CASS4: variants seen among roughly 807,000 people sequenced by gnomAD.
The protein encoded by CASS4 is cas scaffolding protein family member 4.
Under a neutral mutation model 54.2 loss-of-function variants are expected in CASS4, and 22 were observed. That is an observed-to-expected ratio of 0.41 (90% CI 0.29 to 0.58). The LOEUF (loss-of-function observed/expected upper bound fraction) is 0.58. CASS4 is among the 20% of genes least tolerant of loss of function. The pLI, the probability that CASS4 is intolerant of heterozygous loss-of-function variation, is 0.36. For synonymous variants in CASS4, 409 were observed against 391.5 expected (o/e 1.04, Z -0.53); for missense variants, 854 against 986.7 (o/e 0.87, Z 1.80).
At chr20:56,429,629 T>A (rs1460317594) in intron 1 of CASS4, among the ~76,000 whole-genome samples, 2 of 151,998 alleles carry the variant, frequency 1.3e-5, no homozygotes, top group African/African-American at 4.8e-5. Flanking sequence ...CACTCACTCA[T>A]ACTCACACAC....
intron 2 of CASS4, among the ~76,000 whole-genome samples, chr20:56,438,029 TC>T (rs1303574754): frequency 1.3e-5 from 2 of 152,178 alleles, no homozygotes; most frequent in South Asian, 2.1e-4. Flanking sequence ...CTTACACCTA[TC>T]TATATTCCCA....
At chr20:56,446,962 T>C (rs1980743932) in intron 3 of CASS4, among the ~76,000 whole-genome samples, 2 of 152,026 alleles carry the variant, frequency 1.3e-5, no homozygotes, top group African/African-American at 4.8e-5. Flanking sequence ...AATCCCAGCA[T>C]TTTGGGAGGC....
Position 56,445,881 on chromosome 20 carries a change from C to T in CASS4, c.460-19C>T, listed in dbSNP as rs1275420296. On this transcript the variant is annotated intron_variant, in intron 2 of 5. Coordinates refer to ENST00000679887, the MANE Select transcript of CASS4 (RefSeq NM_020356.4). ...GAGTGACATTTCCTTTTCCTCTTTTCTCCTCCTTTCTCTCCAAGGCCATCC... is the reference window on the plus strand; with the variant it reads ...GAGTGACATTTCCTTTTCCTCTTTTTTCCTCCTTTCTCTCCAAGGCCATCC... The T allele has an allele frequency of 1.3e-6, 2 of 1,570,708 alleles. No individual in the cohort carries two copies. The highest frequency in any genetic ancestry group is 1.4e-5 in the African/African-American group (1 of 73,912).
chr20:56,412,133 C>G, upstream of CASS4: 13 of 344,518 alleles, frequency 3.8e-5, no homozygotes, highest in Admixed American at 9.3e-5. The surrounding 1 kb of genome is among the most constrained non-coding windows in gnomAD (Gnocchi z 4.2). Flanking sequence ...TTTTTTTCTT[C>G]TTCTTCTTCT....
Position 56,412,836 on chromosome 20 carries a change from C to G in CASS4, c.36+342C>G, listed in dbSNP as rs115590769. 7.0e-3 allele frequency among the ~76,000 whole-genome samples: 1,061 copies of G among 152,274 alleles called. 13 individuals carry two copies. Among genetic ancestry groups the G allele is most frequent in the African/African-American group, 0.024 (986 of 41,554 alleles). On this transcript the variant is annotated intron_variant, in intron 1 of 5. Transcript: ENST00000679887. The surrounding 1 kb of genome is among the most constrained non-coding windows in gnomAD (Gnocchi z 4.2). ...TCCTTCTTTCTCTGGACCCCAAAGA[C>G]ACTCAGTGCCACTCTAACTGTCCTA...
chr20:56,415,208 A>G (rs1035420770), intron 1 of CASS4, among the ~76,000 whole-genome samples: 1 of 152,204 alleles, frequency 6.6e-6, no homozygotes, highest in African/African-American at 2.4e-5. Flanking sequence ...TCTCTGTTGC[A>G]TATGGTTGTT....
chr20:56,422,076 C>T (rs765539512), intron 1 of CASS4, among the ~76,000 whole-genome samples: 10 of 152,180 alleles, frequency 6.6e-5, no homozygotes, highest in African/African-American at 2.4e-4. Flanking sequence ...CCTCCTCCTT[C>T]GGTGGGTTTT....
Position 56,456,689 on chromosome 20 carries a change from AT to A in CASS4, c.1954-1644del, listed in dbSNP as rs575905390. ...CGTGCCCAGCTCCCTTTTTTATTTT[AT>A]TTTTTTGAGACAGTGTTTTGCTCTG... On this transcript the variant is annotated intron_variant, in intron 5 of 5. Coordinates refer to ENST00000679887, the MANE Select transcript of CASS4 (RefSeq NM_020356.4). 3.0e-3 allele frequency among the ~76,000 whole-genome samples: 443 copies of A among 148,232 alleles called. 8 individuals are homozygous for A. In the Middle Eastern group the frequency reaches 0.057, roughly 19 times the overall value.
At chr20:56,417,549 AACG>A (rs1979199511) in intron 1 of CASS4, among the ~76,000 whole-genome samples, 1 of 152,186 alleles carries the variant, frequency 6.6e-6, no homozygotes, top group African/African-American at 2.4e-5. Context: ...CCTCTCTGGG[AACG>A]AAACTCCATG....
intron 1 of CASS4, among the ~76,000 whole-genome samples, chr20:56,420,555 A>ATTT (rs11475630): frequency 2.9e-5 from 4 of 137,314 alleles, no homozygotes; most frequent in African/African-American, 2.7e-5. Flanking sequence ...TGCCCATCTA[A>ATTT]TTTTTTTTTT....
Position 56,432,355 on chromosome 20 carries a change from C to CTT in CASS4, c.37-4782_37-4781dup, listed in dbSNP as rs922336949. On this transcript the variant is annotated intron_variant, in intron 1 of 5. Transcript: ENST00000679887. ...AAGTAGCATGTAAGTTTCATAAGTCCTTTTTTTTTTTTTTTTTTTTTTTTT... is the reference window on the plus strand; with the variant it reads ...AAGTAGCATGTAAGTTTCATAAGTCCTTTTTTTTTTTTTTTTTTTTTTTTTTT... 1.8e-3 allele frequency among the ~76,000 whole-genome samples: 183 copies of CTT among 101,078 alleles called. 7 individuals carry two copies. Among genetic ancestry groups the CTT allele is most frequent in the Non-Finnish European group, 2.4e-3 (117 of 49,560 alleles). The allele number at this position is 101,078 out of a possible 152,430, so 66.3% of individuals were successfully genotyped here.
chr20:56,435,612 G>A (rs757710360), intron 1 of CASS4, among the ~76,000 whole-genome samples: 1 of 152,222 alleles, frequency 6.6e-6, no homozygotes, highest in Non-Finnish European at 1.5e-5. Flanking sequence ...GTGGTAACAA[G>A]GCGACTTTTT....
intron 2 of CASS4, among the ~76,000 whole-genome samples, chr20:56,442,501 C>T (rs1000508535): frequency 2.0e-5 from 3 of 151,714 alleles, no homozygotes; most frequent in Non-Finnish European, 2.9e-5. Flanking sequence ...ACAGATGCTA[C>T]GTTACAGCTC....
At chr20:56,440,297 T>G (rs982495487) in intron 2 of CASS4, among the ~76,000 whole-genome samples, 4 of 152,224 alleles carry the variant, frequency 2.6e-5, no homozygotes, top group African/African-American at 9.6e-5. Flanking sequence ...AGCAGAGCTT[T>G]GCTGAGGTTT....
At chr20:56,439,419 C>T (rs1169294071) in intron 2 of CASS4, among the ~76,000 whole-genome samples, 1 of 151,690 alleles carries the variant, frequency 6.6e-6, no homozygotes, top group Non-Finnish European at 1.5e-5. Context: ...TCCTGTAATC[C>T]CAGCAGTTTG....
chr20:56,417,560 A>G (rs1050949506), intron 1 of CASS4, among the ~76,000 whole-genome samples: 1 of 152,204 alleles, frequency 6.6e-6, no homozygotes, highest in Non-Finnish European at 1.5e-5. Flanking sequence ...ACGAAACTCC[A>G]TGAGGGACAG....
rs913882858 is a variant in CASS4, at chr20:56,430,481, A to T, written c.37-6683A>T. On this transcript the variant is annotated intron_variant, in intron 1 of 5. Coordinates refer to ENST00000679887, the MANE Select transcript of CASS4 (RefSeq NM_020356.4). The surrounding 1 kb of genome is among the most constrained non-coding windows in gnomAD (Gnocchi z 4.2). ...ATCCTCCTTCACCTCTGAAATTTCT[A>T]CACAAATATTTCCAAATTAACACTC... is the stretch of plus-strand genomic sequence containing the variant. Among the ~76,000 whole-genome samples, 2 of 152,206 alleles carry T rather than the reference A, an allele frequency of 1.3e-5. No individual in the cohort carries two copies. Among genetic ancestry groups the T allele is most frequent in the Admixed American group, 6.5e-5 (1 of 15,286 alleles).
At position 56,437,544 on chromosome 20, in the gene CASS4, T is replaced by C. The variant is rs760186825; in HGVS notation, c.417T>C (p.Ser139=). The change falls in exon 2 of 6, where the codon AGT becomes AGC. Residue 139 remains serine, a synonymous_variant. Coordinates refer to ENST00000679887, the MANE Select transcript of CASS4 (RefSeq NM_020356.4). The surrounding 1 kb of genome is among the most constrained non-coding windows in gnomAD (Gnocchi z 4.7). ...ATGAATTCCCCGACCCTCCCACCAG[T>C]GCCAGAATCATCTGTGAAAAGACTC... ...QVYEFPDPPT[S]ARIICEKTLS... 1.3e-6 allele frequency: 2 copies of C among 1,561,236 alleles called. No homozygotes were observed. The highest frequency in any genetic ancestry group is 8.7e-7 in the Non-Finnish European group (1 of 1,155,466).
chr20:56,423,745 A>G (rs947799049), intron 1 of CASS4, among the ~76,000 whole-genome samples: 6 of 152,066 alleles, frequency 3.9e-5, no homozygotes, highest in Non-Finnish European at 4.4e-5. Context: ...GGGTTTCACC[A>G]TGTTGGCCAG....
Sources: gnomAD v4.1 joint callset for allele counts (sites outside exome capture counted in the v4.1 genomes callset) on GRCh38, gnomAD v4.1.1 for gene constraint, Gnocchi (gnomAD v3.1) non-coding constraint, MANE v1.5 for transcripts, NCBI Gene and HGNC (gene_info 2026-07-23, HGNC 2026-07-21) for gene names.